Variants in PTPN11 observed in about 807,000 individuals in gnomAD.
The protein encoded by PTPN11 is tyrosine-protein phosphatase non-receptor type 11.
Under a neutral mutation model 78.8 loss-of-function variants are expected in PTPN11, and 6 were observed. That is an observed-to-expected ratio of 0.08 (90% CI 0.04 to 0.15). PTPN11 has a LOEUF of 0.15. Among genes scored for constraint, PTPN11 ranks in the 10% least tolerant of loss-of-function variants. PTPN11 has a pLI of 1.00. For missense variants in PTPN11, 386 were observed against 744.8 expected (o/e 0.52, Z 5.61); for synonymous variants, 221 against 263.5 (o/e 0.84, Z 1.56).
intron 4 of PTPN11, 28 bp from the exon 5 acceptor site, chr12:112,454,536 A>G (rs2135869139): frequency 6.6e-7 from 1 of 1,511,846 alleles, no homozygotes; most frequent in Non-Finnish European, 9.2e-7. Context: ...GGTAACAAAT[A>G]ATAAATGTCA....
At chr12:112,453,658 T>TG (rs902985338) in intron 4 of PTPN11, among the ~76,000 whole-genome samples, 4 of 151,408 alleles carry the variant, frequency 2.6e-5, no homozygotes, top group African/African-American at 7.3e-5. Flanking sequence ...TTTTTTTTTT[T>TG]TTTTGTTTTT....
intron 2 of PTPN11, among the ~76,000 whole-genome samples, chr12:112,447,634 G>A (rs914743522): frequency 6.6e-6 from 1 of 151,744 alleles, no homozygotes; most frequent in African/African-American, 2.4e-5. Flanking sequence ...GGAGTGGCTG[G>A]GATTACAGGT....
At chr12:112,503,722 G>A (rs924569885) in intron 14 of PTPN11, among the ~76,000 whole-genome samples, 19 of 152,284 alleles carry the variant, frequency 1.2e-4, no homozygotes, top group Admixed American at 1.2e-3. Flanking sequence ...CTCAGTACCA[G>A]TGGCATGCCT....
intron 15 of PTPN11, 110 bp from the exon 16 acceptor site, chr12:112,505,715 T>G (rs1316600616): frequency 6.6e-6 from 1 of 151,588 alleles, no homozygotes; most frequent in Non-Finnish European, 1.5e-5. Context: ...AAATTCCACT[T>G]CAATGGGTAG....
At chr12:112,481,294 T>C (rs543314015) in intron 9 of PTPN11, among the ~76,000 whole-genome samples, 1 of 152,294 alleles carries the variant, frequency 6.6e-6, no homozygotes, top group Admixed American at 6.5e-5. Context: ...GACTGGTAGA[T>C]CTTAGAATTC....
chr12:112,442,910 ATATG>A (rs1156502514), intron 1 of PTPN11, among the ~76,000 whole-genome samples: 3 of 135,316 alleles, frequency 2.2e-5, no homozygotes, highest in Non-Finnish European at 3.2e-5. Context: ...ATATGTATGT[ATATG>A]TATGTATTTT....
At chr12:112,462,608 A>G (rs1006746915) in intron 6 of PTPN11, among the ~76,000 whole-genome samples, 3 of 152,190 alleles carry the variant, frequency 2.0e-5, no homozygotes, top group African/African-American at 7.2e-5. Flanking sequence ...ATAAAAAGTT[A>G]TGGTTTATCA....
chr12:112,442,902 A>ATGTATGTAT (rs11282974), intron 1 of PTPN11, among the ~76,000 whole-genome samples: 25,995 of 124,040 alleles, frequency 0.21, 5,162 homozygotes, highest in East Asian at 0.86. Flanking sequence ...CTACACATAT[A>ATGTATGTAT]TGTATGTATA....
rs2038619083 is a variant in PTPN11 at position 112,482,936 on chromosome 12, T to C, written c.1224+731T>C. ...TGTGTTCAGCTGGGCATCTGAACAG[T>C]CATGTGGACATTCATCTATTCATTC... On this transcript the variant is annotated intron_variant, in intron 10 of 15. Transcript: ENST00000351677. This position sits in a 1 kb window ranked among gnomAD's most constrained non-coding sequence, Gnocchi z 4.4. Among the ~76,000 whole-genome samples the C allele has an allele frequency of 6.6e-6, 1 of 152,166 alleles. No homozygotes were observed. Among genetic ancestry groups the C allele is most frequent in the Admixed American group, 6.5e-5 (1 of 15,270 alleles).
rs527482168 is a variant in PTPN11 at position 112,470,147 on chromosome 12, C to T, written c.757-2797C>T. Among the ~76,000 whole-genome samples, 3 of 152,276 alleles carry T rather than the reference C, an allele frequency of 2.0e-5. No homozygotes were observed. In the South Asian group the frequency reaches 6.2e-4, roughly 32 times the overall value. ...ATATTGCCCAGGCTGGTCTTGACCT[C>T]CTGTCCTCGAGCAAAAATACCGATT... On this transcript the variant is annotated intron_variant, in intron 6 of 15. Transcript: ENST00000351677.
In PTPN11 at chr12:112,481,292, G is replaced by C. The variant is rs558012873; in HGVS notation, c.1093-782G>C. Among the ~76,000 whole-genome samples, 139 of 152,316 alleles carry C rather than the reference G, an allele frequency of 9.1e-4. 3 individuals carry two copies. The highest frequency in any genetic ancestry group is 6.8e-3 in the Middle Eastern group (2 of 294). ...TGCCTTCCCTATGGAGTGACTGGTA[G>C]ATCTTAGAATTCAGACCTCAGTGGT... On this transcript the variant is annotated intron_variant, in intron 9 of 15. Transcript: ENST00000351677.
chr12:112,447,128 CA>C (rs2135857385), intron 2 of PTPN11, among the ~76,000 whole-genome samples: 1 of 152,202 alleles, frequency 6.6e-6, no homozygotes, highest in African/African-American at 2.4e-5. Flanking sequence ...CTCAGCCTCC[CA>C]AAGTGTTGGG....
chr12:112,472,821 T>G, intron 6 of PTPN11, 123 bp from the exon 7 acceptor site: 1 of 850,674 alleles, frequency 1.2e-6, no homozygotes. Flanking sequence ...TTCTTGTAGC[T>G]ATCGCACACA....
Position 112,482,050 on chromosome 12 carries a change from TTC to T in PTPN11, c.1093-22_1093-21del. 6.5e-7 allele frequency: 1 copy of T among 1,542,928 alleles called. No homozygotes were observed. The highest frequency in any genetic ancestry group is 9.0e-7 in the Non-Finnish European group (1 of 1,115,972). On this transcript the variant is annotated intron_variant, in intron 9 of 15. Transcript: ENST00000351677. The surrounding 1 kb of genome is among the most constrained non-coding windows in gnomAD (Gnocchi z 4.4). The stretch of plus-strand genomic sequence containing the variant: ...TATTTCAGAGTTCACAGAATTAACT[TTC>T]TTTTTTTCTGATCTCTTCCAGAGTA...
At chr12:112,430,100 A>G (rs774996214) in intron 1 of PTPN11, among the ~76,000 whole-genome samples, 7 of 151,762 alleles carry the variant, frequency 4.6e-5, no homozygotes, top group Non-Finnish European at 1.0e-4. Flanking sequence ...GGCTCACTGC[A>G]ACCTCTGCCT....
chr12:112,474,299 T>G (rs2038464386), intron 7 of PTPN11, among the ~76,000 whole-genome samples: 1 of 152,076 alleles, frequency 6.6e-6, no homozygotes. Context: ...GAGGTTGCAA[T>G]GAGCCGGAGG....
chr12:112,421,925 G>A (rs918181507), intron 1 of PTPN11, among the ~76,000 whole-genome samples: 1 of 152,156 alleles, frequency 6.6e-6, no homozygotes. Context: ...ATTGCGTCCC[G>A]CCTTCAAATT....
chr12:112,499,961 A>G (rs1277103417), intron 13 of PTPN11, among the ~76,000 whole-genome samples: 3 of 126,862 alleles, frequency 2.4e-5, no homozygotes, highest in East Asian at 2.3e-4. Flanking sequence ...AAAAAAAAAA[A>G]GGCCAGGCAC....
chr12:112,440,965 CTTTTT>C (rs376303682), intron 1 of PTPN11, among the ~76,000 whole-genome samples: 2 of 131,552 alleles, frequency 1.5e-5, no homozygotes, highest in Non-Finnish European at 1.7e-5. Context: ...CTTTTCTTTT[CTTTTT>C]TTTTTTTTTT....
Sources: allele counts gnomAD v4.1 joint callset (sites outside exome capture counted in the v4.1 genomes callset), GRCh38; gene constraint gnomAD v4.1.1; non-coding constraint Gnocchi (gnomAD v3.1); transcripts MANE v1.5; gene names NCBI Gene and HGNC (gene_info 2026-07-23, HGNC 2026-07-21).